Variants in XCR1 observed in about 807,000 individuals in gnomAD.
XCR1 encodes chemokine XC receptor 1.
For synonymous variants in XCR1, 187 were observed against 188.5 expected (o/e 0.99, Z 0.06); for missense variants, 356 against 424.2 (o/e 0.84, Z 1.41).
At chr3:46,060,516 A>G (rs1697940567) in intron 4 of XCR1, among the ~76,000 whole-genome samples, 1 of 152,198 alleles carries the variant, frequency 6.6e-6, no homozygotes, top group Non-Finnish European at 1.5e-5. Context: ...TTCATAGGTA[A>G]GAGGAGCCCA....
At chr3:46,025,074 A>G (rs1195011907) in intron 1 of XCR1, among the ~76,000 whole-genome samples, 2 of 152,234 alleles carry the variant, frequency 1.3e-5, no homozygotes, top group Non-Finnish European at 2.9e-5. Context: ...AAATGCGTGT[A>G]TTAGAAAGAA....
chr3:46,085,706 C>G (rs1009347512), intron 1 of XCR1, among the ~76,000 whole-genome samples: 1 of 151,938 alleles, frequency 6.6e-6, no homozygotes, highest in Non-Finnish European at 1.5e-5. Flanking sequence ...TGCATAATGC[C>G]GGCACCCCCA....
At chr3:46,082,472 G>C (rs1279569955) in intron 1 of XCR1, among the ~76,000 whole-genome samples, 1 of 137,978 alleles carries the variant, frequency 7.2e-6, no homozygotes, top group Non-Finnish European at 1.5e-5. Flanking sequence ...CTATAATCAG[G>C]CTCCTTTTTT....
chr3:46,078,685 G>A (rs1698304020), intron 1 of XCR1, among the ~76,000 whole-genome samples: 1 of 152,206 alleles, frequency 6.6e-6, no homozygotes, highest in Admixed American at 6.5e-5. Context: ...AGACTTGGAT[G>A]TTTCATCTGT....
chr3:46,065,409 C>T (rs1259042098), intron 4 of XCR1, among the ~76,000 whole-genome samples: 1 of 152,206 alleles, frequency 6.6e-6, no homozygotes, highest in Non-Finnish European at 1.5e-5. Flanking sequence ...CCTGAGCTTC[C>T]ATTTGCCACA....
chr3:46,066,003 C>G (rs1706511623), intron 4 of XCR1, among the ~76,000 whole-genome samples: 10 of 152,176 alleles, frequency 6.6e-5, no homozygotes, highest in Admixed American at 6.5e-4. Flanking sequence ...ACTCCCTTGT[C>G]TCACTCCTTT....
intron 4 of XCR1, among the ~76,000 whole-genome samples, chr3:46,057,708 T>C (rs889133333): frequency 6.6e-6 from 1 of 152,168 alleles, no homozygotes; most frequent in African/African-American, 2.4e-5. Flanking sequence ...CTGGTTTCCC[T>C]GAAGAAGAAA....
At chr3:46,062,191 G>T (rs572990054) in intron 4 of XCR1, among the ~76,000 whole-genome samples, 165 of 152,282 alleles carry the variant, frequency 1.1e-3, no homozygotes, top group Non-Finnish European at 1.8e-3. Flanking sequence ...TTGGGGAGAT[G>T]CAGGCCTCCT....
At chr3:46,053,694 G>T (rs58174772) in intron 5 of XCR1, among the ~76,000 whole-genome samples, 1 of 152,072 alleles carries the variant, frequency 6.6e-6, no homozygotes, top group Non-Finnish European at 1.5e-5. Flanking sequence ...CATCAAGAGT[G>T]CCTGCCTGTG....
At chr3:46,035,493 A>G (rs1028798716) in intron 5 of XCR1, among the ~76,000 whole-genome samples, 1 of 152,148 alleles carries the variant, frequency 6.6e-6, no homozygotes, top group Non-Finnish European at 1.5e-5. Flanking sequence ...CTAACCAGCA[A>G]CGTGTTGCCA....
At position 46,021,551 on chromosome 3, in the gene XCR1, T is replaced by A. The variant is rs745685962; in HGVS notation, c.397A>T (p.Ser133Cys). The A allele has an allele frequency of 1.2e-6, 2 of 1,610,708 alleles. No homozygotes were observed. The highest frequency in any genetic ancestry group is 1.7e-5 in the Admixed American group (1 of 59,430). The change falls in exon 2 of 2, where the codon AGC becomes TGC. Residue 133 changes from serine (S) to cysteine (C), a missense_variant. Ser to Cys is a moderately radical substitution (Grantham distance 112). Transcript: ENST00000309285. The surrounding 1 kb of genome is among the most constrained non-coding windows in gnomAD (Gnocchi z 4.7). ...GGGACGCGCAGGGTGGAGAGGGGGC[T>A]CACTACCGACAGGTAGCGGTGGATG... ...MTIHRYLSVV[S>C]PLSTLRVPTL...
intron 1 of XCR1, among the ~76,000 whole-genome samples, chr3:46,079,079 C>G (rs1245296282): frequency 1.3e-5 from 2 of 152,182 alleles, no homozygotes; most frequent in African/African-American, 2.4e-5. Flanking sequence ...CACCACACTT[C>G]CACCCAAACA....
rs35124592 is a variant in XCR1, at chr3:46,074,214, C to CTTTTTTTTTTTTTTTTTTTTTT, written c.-263+415_-263+436dup. On this transcript the variant is annotated intron_variant, in intron 3 of 5. Coordinates refer to the XCR1 transcript ENST00000683768. ...CAACACGAATGGAACTGAAGGCCAT[C>CTTTTTTTTTTTTTTTTTTTTTT]TTTTTTTTTTTTTTTTTTTTTTTTT... is the stretch of plus-strand genomic sequence containing the variant. Among the ~76,000 whole-genome samples, 30 of 86,666 alleles carry CTTTTTTTTTTTTTTTTTTTTTT rather than the reference C, an allele frequency of 3.5e-4. 4 individuals carry two copies. The highest frequency in any genetic ancestry group is 1.0e-3 in the African/African-American group (24 of 23,234). 56.9% of individuals were successfully genotyped at this position (86,666 alleles called of 152,430 possible). A position where few individuals can be genotyped will look rare whatever the true frequency, so the allele number is the denominator to read the frequency against.
Position 46,021,093 on chromosome 3 carries a change from C to A in XCR1, c.855G>T (p.Val285=). Reference sequence around the variant, plus strand: ...ACTTGACCCCCACGAAGACATAGAGCACCGGGTTAAAGCAGCAGTGGGAGA... The same window carrying A: ...ACTTGACCCCCACGAAGACATAGAGAACCGGGTTAAAGCAGCAGTGGGAGA... ...LAFSHCCFNP[V]LYVFVGVKFR... The change falls in exon 2 of 2, where the codon GTG becomes GTT. Residue 285 remains valine, a synonymous_variant. Transcript: ENST00000309285. The surrounding 1 kb of genome is among the most constrained non-coding windows in gnomAD (Gnocchi z 4.7). 2.5e-6 allele frequency: 4 copies of A among 1,614,254 alleles called. No homozygotes were observed. The highest frequency in any genetic ancestry group is 3.4e-6 in the Non-Finnish European group (4 of 1,180,046).
At chr3:46,040,227 G>C (rs1268954882) in intron 5 of XCR1, among the ~76,000 whole-genome samples, 1 of 152,094 alleles carries the variant, frequency 6.6e-6, no homozygotes, top group Admixed American at 6.6e-5. Flanking sequence ...TTATCAAAGA[G>C]TAAACATTTT....
chr3:46,038,037 T>G (rs573536121), intron 5 of XCR1, among the ~76,000 whole-genome samples: 11 of 132,910 alleles, frequency 8.3e-5, no homozygotes, highest in Non-Finnish European at 1.4e-4. Context: ...TTTGTTTTTT[T>G]TTTTTTTTGA....
At chr3:46,043,020 A>G (rs1575420795) in intron 5 of XCR1, among the ~76,000 whole-genome samples, 1 of 146,390 alleles carries the variant, frequency 6.8e-6, no homozygotes, top group South Asian at 2.1e-4. Flanking sequence ...GGTTCAATAT[A>G]AAAAAATCAA....
Position 46,021,636 on chromosome 3 carries a change from G to A in XCR1, c.312C>T (p.Leu104=). The change falls in exon 2 of 2, where the codon CTC becomes CTT. Residue 104 remains leucine (L), a synonymous_variant. Coordinates refer to ENST00000309285, the MANE Select transcript of XCR1 (RefSeq NM_001024644.2). The surrounding 1 kb of genome is among the most constrained non-coding windows in gnomAD (Gnocchi z 4.7). The part of the protein sequence containing the change: ...GWVLGDFLCK[L]LNMIFSISLY... ...GGCTGATGGAGAAGATCATATTGAG[G>A]AGTTTGCAGAGGAAGTCTCCCAGCA... 6.2e-7 allele frequency: 1 copy of A among 1,613,886 alleles called. No individual in the cohort carries two copies. Among genetic ancestry groups the A allele is most frequent in the Non-Finnish European group, 8.5e-7 (1 of 1,179,948 alleles).
chr3:46,080,069 TAA>T (rs112696786), intron 1 of XCR1, among the ~76,000 whole-genome samples: 1 of 148,302 alleles, frequency 6.7e-6, no homozygotes, highest in Admixed American at 6.7e-5. Context: ...TTTGAACAGT[TAA>T]AAAAAAAACC....
Sources: gnomAD v4.1 joint callset for allele counts (sites outside exome capture counted in the v4.1 genomes callset) on GRCh38, gnomAD v4.1.1 for gene constraint, Gnocchi (gnomAD v3.1) non-coding constraint, MANE v1.5 for transcripts, NCBI Gene and HGNC (gene_info 2026-07-23, HGNC 2026-07-21) for gene names.